B3GAT1: variants seen among roughly 807,000 people sequenced by gnomAD.
The protein encoded by B3GAT1 is galactosylgalactosylxylosylprotein 3-beta-glucuronosyltransferase 1.
In B3GAT1, 11 loss-of-function variants were observed where a neutral mutation model predicts 28.4. The ratio of observed to expected loss-of-function variants is 0.39; its 90% CI spans 0.24 to 0.64. The LOEUF is 0.64. Ranked by LOEUF, B3GAT1 falls within the 30% of genes least tolerant of loss-of-function variation. The pLI is 0.50. For synonymous variants in B3GAT1, 255 were observed against 223.1 expected, an observed-to-expected ratio of 1.14 and a Z score of -1.27; for missense variants, 375 against 491.0, an observed-to-expected ratio of 0.76 and a Z score of 2.23.
intron 1 of B3GAT1, among the ~76,000 whole-genome samples, chr11:134,394,372 C>A (rs528751045): frequency 5.7e-4 from 87 of 152,362 alleles, no homozygotes; most frequent in African/African-American, 2.0e-3. Flanking sequence ...AAGGTCACTG[C>A]GTTAGGTGTC....
chr11:134,382,064 CT>C (rs1357626772), intron 4 of B3GAT1, 40 bp from the exon 5 acceptor site: 34 of 1,577,380 alleles, frequency 2.2e-5, no homozygotes, highest in Non-Finnish European at 2.8e-5. Flanking sequence ...GGACAGGCCC[CT>C]GACCTCACTC....
intron 1 of B3GAT1, among the ~76,000 whole-genome samples, chr11:134,406,643 A>T (rs1944738606): frequency 6.6e-6 from 1 of 152,234 alleles, no homozygotes; most frequent in Non-Finnish European, 1.5e-5. Flanking sequence ...CAAATAAAAA[A>T]TAAAAAAGCT....
At chr11:134,404,030 T>C (rs1385779101) in intron 1 of B3GAT1, among the ~76,000 whole-genome samples, 1 of 125,108 alleles carries the variant, frequency 8.0e-6, no homozygotes, top group Admixed American at 8.5e-5. Flanking sequence ...TATATATATA[T>C]TTATTATACG....
At position 134,412,108 on chromosome 11, in the gene B3GAT1, G is replaced by GGGAGCGCGGAGGGGGGAGGT. The variant is rs1944872607; in HGVS notation, c.-584_-583insACCTCCCCCCTCCGCGCTCC. ...AGGCGGGGGGCGGGGGGCGGGGAGG[G>GGGAGCGCGGAGGGGGGAGGT]GGAGCGGGGAGGGGGAGCGGGGAGC... On this transcript the variant is annotated 5_prime_UTR_variant, in exon 1 of 6. Coordinates refer to ENST00000312527, the MANE Select transcript of B3GAT1 (RefSeq NM_054025.3). Among the ~76,000 whole-genome samples the GGGAGCGCGGAGGGGGGAGGT allele has an allele frequency of 1.9e-4, 20 of 107,662 alleles. No homozygotes were observed. Among genetic ancestry groups the GGGAGCGCGGAGGGGGGAGGT allele is most frequent in the African/African-American group, 6.8e-4 (20 of 29,320 alleles). 70.6% of individuals were successfully genotyped at this position (107,662 alleles called of 152,430 possible). A position where few individuals can be genotyped will look rare whatever the true frequency, so the allele number is the denominator to read the frequency against.
At chr11:134,401,628 T>A (rs746977858) in intron 1 of B3GAT1, among the ~76,000 whole-genome samples, 2 of 152,134 alleles carry the variant, frequency 1.3e-5, no homozygotes, top group Non-Finnish European at 2.9e-5. Flanking sequence ...CTGGTTACCA[T>A]GCTCAGTACC....
chr11:134,383,269 T>C (rs1224598488), intron 3 of B3GAT1, among the ~76,000 whole-genome samples: 1 of 152,084 alleles, frequency 6.6e-6, no homozygotes, highest in African/African-American at 2.4e-5. Context: ...CTGCTGCTGT[T>C]TTCTCCCTTG....
At chr11:134,382,567 G>C (rs1944158249) in intron 4 of B3GAT1, 143 bp downstream of exon 4, 1 of 1,021,590 alleles carries the variant, frequency 9.8e-7, no homozygotes, top group African/African-American at 1.6e-5. Context: ...CTGCCTTACA[G>C]GTGATACACT....
At chr11:134,394,264 G>A (rs573018651) in intron 1 of B3GAT1, among the ~76,000 whole-genome samples, 7 of 152,318 alleles carry the variant, frequency 4.6e-5, no homozygotes, top group Non-Finnish European at 7.3e-5. Context: ...CCAGTCCCTC[G>A]ATGTTCAGAG....
At chr11:134,398,622 T>A (rs534740358) in intron 1 of B3GAT1, among the ~76,000 whole-genome samples, 1 of 150,746 alleles carries the variant, frequency 6.6e-6, no homozygotes, top group East Asian at 1.9e-4. Flanking sequence ...CAGGTCCAGA[T>A]AGAAAGCAGC....
chr11:134,381,127 A>G (rs1944111637), intron 5 of B3GAT1, among the ~76,000 whole-genome samples: 1 of 152,216 alleles, frequency 6.6e-6, no homozygotes, highest in Non-Finnish European at 1.5e-5. Flanking sequence ...TTTAAGAGAC[A>G]GGATAAGATC....
Position 134,411,670 on chromosome 11 carries a change from G to GCACACACACACACACA in B3GAT1, c.-282+121_-282+136dup, listed in dbSNP as rs149891710. The GCACACACACACACACA allele has an allele frequency of 2.1e-5, 3 of 144,640 alleles. No individual in the cohort carries two copies. The highest frequency in any genetic ancestry group is 6.9e-5 in the Admixed American group (1 of 14,568). 9.0% of individuals were successfully genotyped at this position (144,640 alleles called of 1,614,324 possible). On this transcript the variant is annotated intron_variant, in intron 1 of 5. Transcript: ENST00000312527. This position sits in a 1 kb window ranked among gnomAD's most constrained non-coding sequence, Gnocchi z 6.0. ...TCCAGCTGCCCCCAGCGCGCGCAGC[G>GCACACACACACACACA]CACACACACACACACACACACACAC...
rs1397344684 is a variant in B3GAT1 at position 134,412,105 on chromosome 11, A to C, written c.-580T>G. Among the ~76,000 whole-genome samples the C allele has an allele frequency of 1.8e-5, 1 of 56,576 alleles. No individual in the cohort carries two copies. Among genetic ancestry groups the C allele is most frequent in the Non-Finnish European group, 4.0e-5 (1 of 25,292 alleles). The allele number at this position is 56,576 out of a possible 152,430, so 37.1% of individuals were successfully genotyped here. A position where few individuals can be genotyped will look rare whatever the true frequency, so the allele number is the denominator to read the frequency against. On this transcript the variant is annotated 5_prime_UTR_variant, in exon 1 of 6. Coordinates refer to ENST00000312527, the MANE Select transcript of B3GAT1 (RefSeq NM_054025.3). ...GGGAGGCGGGGGGCGGGGGGCGGGG[A>C]GGGGGAGCGGGGAGGGGGAGCGGGG...
intron 5 of B3GAT1, 27 bp downstream of exon 5, chr11:134,381,897 T>C (rs1944132638): frequency 8.9e-6 from 14 of 1,578,728 alleles, no homozygotes; most frequent in Admixed American, 1.7e-5. Context: ...CTGCCCAGTG[T>C]GTGGCCCACC....
At position 134,383,907 on chromosome 11, in the gene B3GAT1, G is replaced by T; in HGVS notation, c.394C>A (p.Arg132Ser). 1 of 1,595,494 alleles carries T rather than the reference G, an allele frequency of 6.3e-7. No individual in the cohort carries two copies. The highest frequency in any genetic ancestry group is 1.1e-5 in the South Asian group (1 of 90,256). The change falls in exon 3 of 6, where the codon CGC becomes AGC. Residue 132 changes from arginine to serine, a missense_variant. Coordinates refer to ENST00000312527, the MANE Select transcript of B3GAT1 (RefSeq NM_054025.3). Reference protein sequence around the residue: ...DAPRRTPLTARLLRDTGLNYT... With the variant: ...DAPRRTPLTASLLRDTGLNYT... ...TTGAGGCCGGTGTCGCGCAGCAGGC[G>T]CGCGGTCAGCGGCGTCCGGCGCGGC...
At chr11:134,392,934 T>C (rs976599557) in intron 1 of B3GAT1, among the ~76,000 whole-genome samples, 27 of 152,148 alleles carry the variant, frequency 1.8e-4, no homozygotes, top group African/African-American at 5.1e-4. Flanking sequence ...TCAACAAATA[T>C]TAATTGAGCA....
chr11:134,395,036 C>T (rs1944477847), intron 1 of B3GAT1, among the ~76,000 whole-genome samples: 1 of 152,236 alleles, frequency 6.6e-6, no homozygotes, highest in African/African-American at 2.4e-5. Context: ...CAACCGAATA[C>T]ACTGTTGGCC....
At position 134,383,848 on chromosome 11, in the gene B3GAT1, G is replaced by T; in HGVS notation, c.453C>A (p.Asn151Lys). 6.3e-7 allele frequency: 1 copy of T among 1,595,570 alleles called. No homozygotes were observed. The change falls in exon 3 of 6, where the codon AAC becomes AAA. Residue 151 changes from asparagine (N) to lysine (K), a missense_variant. Transcript: ENST00000312527. ...CGCGGGCGTCTCCGCGCAGCTTGTAGTTGCGGGGCGTCTCCACGTGCAGGT... is the reference window on the plus strand; with the variant it reads ...CGCGGGCGTCTCCGCGCAGCTTGTATTTGCGGGGCGTCTCCACGTGCAGGT... Reference protein sequence around the residue: ...YTHLHVETPRNYKLRGDARDP... With the variant: ...YTHLHVETPRKYKLRGDARDP...
In B3GAT1 at chr11:134,408,974, A is replaced by G. The variant is rs1167713724; in HGVS notation, c.-282+2833T>C. On this transcript the variant is annotated intron_variant, in intron 1 of 5. Transcript: ENST00000312527. ...AGGTGGGACAGCCTGCACCGATTCC[A>G]GTGGGATTGGCTCCAGGGCTGGCCT... Among the ~76,000 whole-genome samples, 5 of 152,144 alleles carry G rather than the reference A, an allele frequency of 3.3e-5. No homozygotes were observed. The East Asian group carries it at 9.6e-4, about 29-fold the overall frequency.
At chr11:134,392,925 C>T (rs1944440052) in intron 1 of B3GAT1, among the ~76,000 whole-genome samples, 1 of 152,178 alleles carries the variant, frequency 6.6e-6, no homozygotes, top group Non-Finnish European at 1.5e-5. Context: ...TAATTTCACT[C>T]AACAAATATT....
Sources: allele counts gnomAD v4.1 joint callset (sites outside exome capture counted in the v4.1 genomes callset), GRCh38; gene constraint gnomAD v4.1.1; non-coding constraint Gnocchi (gnomAD v3.1); transcripts MANE v1.5; gene names NCBI Gene and HGNC (gene_info 2026-07-23, HGNC 2026-07-21).